Variants in MAML3 observed in about 807,000 individuals in gnomAD.
The protein encoded by MAML3 is mastermind-like protein 3.
MAML3 carries 27 observed loss-of-function variants against 101.9 expected under a neutral mutation model. That is an observed-to-expected ratio of 0.27 (90% confidence interval 0.20 to 0.37). The LOEUF is 0.37. MAML3 is among the 10% of genes least tolerant of loss of function. The probability of loss-of-function intolerance (pLI) is 1.00; values close to 1 mark genes in which losing one functional copy is unlikely to be tolerated. For synonymous variants in MAML3, 501 were observed against 555.9 expected (o/e 0.90, Z 1.39); for missense variants, 1,316 against 1,444.9 (o/e 0.91, Z 1.45).
chr4:140,139,434 A>T (rs1728947725), intron 1 of MAML3, among the ~76,000 whole-genome samples: 1 of 151,988 alleles, frequency 6.6e-6, no homozygotes, highest in Admixed American at 6.6e-5. Context: ...GCTCATGCCT[A>T]TCAACCCAGC....
intron 1 of MAML3, among the ~76,000 whole-genome samples, chr4:140,152,178 G>C (rs886435064): frequency 6.6e-5 from 10 of 152,088 alleles, no homozygotes; most frequent in African/African-American, 2.4e-4. Context: ...GAGCGCACCC[G>C]CGCCCCGCAT....
chr4:139,727,783 C>T (rs1445801780), intron 3 of MAML3, among the ~76,000 whole-genome samples: 1 of 152,134 alleles, frequency 6.6e-6, no homozygotes, highest in Admixed American at 6.5e-5. Context: ...TATGTAAGAT[C>T]CCAAATCCTT....
rs574407103 is a variant in MAML3, at chr4:139,995,264, C to A, written c.469-104297G>T. On this transcript the variant is annotated intron_variant, in intron 1 of 4. Coordinates refer to ENST00000509479, the MANE Select transcript of MAML3 (RefSeq NM_018717.5). ...GGATAAATCCCACCTGATCATGGTGCATTATCTTTTTTATATTTCAGGATT... is the reference window on the plus strand; with the variant it reads ...GGATAAATCCCACCTGATCATGGTGAATTATCTTTTTTATATTTCAGGATT... Among the ~76,000 whole-genome samples the A allele has an allele frequency of 3.3e-5, 5 of 152,222 alleles. No individual in the cohort carries two copies. In the South Asian group the frequency reaches 1.0e-3, roughly 32 times the overall value.
intron 1 of MAML3, among the ~76,000 whole-genome samples, chr4:139,986,013 T>G (rs910948104): frequency 1.3e-5 from 2 of 152,236 alleles, no homozygotes; most frequent in Non-Finnish European, 2.9e-5. Context: ...ACTAGGAGCA[T>G]CCTCTTTTGC....
chr4:140,085,643 A>T (rs1163064612), intron 1 of MAML3, among the ~76,000 whole-genome samples: 1 of 152,222 alleles, frequency 6.6e-6, no homozygotes, highest in African/African-American at 2.4e-5. Flanking sequence ...GGGCAAACAC[A>T]TGGGCATGAA....
At chr4:139,920,357 G>A (rs984438374) in intron 1 of MAML3, among the ~76,000 whole-genome samples, 1 of 152,166 alleles carries the variant, frequency 6.6e-6, no homozygotes, top group Non-Finnish European at 1.5e-5. Flanking sequence ...TGCTTACTGA[G>A]CCCAGGACTG....
intron 1 of MAML3, among the ~76,000 whole-genome samples, chr4:139,924,636 A>G (rs1733186617): frequency 6.6e-6 from 1 of 152,204 alleles, no homozygotes; most frequent in South Asian, 2.1e-4. Context: ...GTGTACTTTC[A>G]TCATCTGGCA....
At chr4:140,076,624 C>T (rs921656789) in intron 1 of MAML3, among the ~76,000 whole-genome samples, 19 of 152,178 alleles carry the variant, frequency 1.2e-4, no homozygotes, top group Non-Finnish European at 2.1e-4. Flanking sequence ...CCAGAAAGTG[C>T]CTTTTCTTAG....
At chr4:140,140,403 A>G (rs1029512480) in intron 1 of MAML3, among the ~76,000 whole-genome samples, 1 of 152,238 alleles carries the variant, frequency 6.6e-6, no homozygotes, top group Non-Finnish European at 1.5e-5. Flanking sequence ...GTGCAAGATT[A>G]AGAGAGAAGT....
intron 2 of MAML3, among the ~76,000 whole-genome samples, chr4:139,850,204 T>C (rs1373335672): frequency 6.6e-6 from 1 of 152,368 alleles, no homozygotes; most frequent in African/African-American, 2.4e-5. Context: ...AGTTTCTATA[T>C]CATTTTGTGT....
In MAML3 at chr4:139,932,365, T is replaced by C. The variant is rs115999150; in HGVS notation, c.469-41398A>G. ...ATACTTTCAAAGAAACTAAGTTTCA[T>C]TGATCTCAAGATTATGCAGTACCTC... is the stretch of plus-strand genomic sequence containing the variant. On this transcript the variant is annotated intron_variant, in intron 1 of 4. Coordinates refer to ENST00000509479, the MANE Select transcript of MAML3 (RefSeq NM_018717.5). 3.1e-4 allele frequency among the ~76,000 whole-genome samples: 47 copies of C among 152,306 alleles called. 1 individual carries two copies. The highest frequency in any genetic ancestry group is 6.0e-4 in the Non-Finnish European group (41 of 68,010).
intron 1 of MAML3, among the ~76,000 whole-genome samples, chr4:140,106,485 G>A (rs1210266152): frequency 2.0e-5 from 3 of 152,124 alleles, no homozygotes; most frequent in Admixed American, 6.5e-5. Flanking sequence ...GCACACCCAC[G>A]GAGAAGTGAC....
intron 1 of MAML3, among the ~76,000 whole-genome samples, chr4:139,942,157 G>A (rs1200220633): frequency 1.4e-5 from 2 of 145,880 alleles, no homozygotes; most frequent in African/African-American, 2.6e-5. Flanking sequence ...AAGGAAGGAC[G>A]GAGGGAGGGA....
At chr4:140,020,009 C>T (rs528009755) in intron 1 of MAML3, among the ~76,000 whole-genome samples, 1 of 152,308 alleles carries the variant, frequency 6.6e-6, no homozygotes, top group South Asian at 2.1e-4. Flanking sequence ...GTCTTCCCTT[C>T]AACAAAGGCT....
chr4:140,007,621 G>A (rs1277389120), intron 1 of MAML3, among the ~76,000 whole-genome samples: 3 of 152,224 alleles, frequency 2.0e-5, no homozygotes, highest in African/African-American at 7.2e-5. Context: ...AAAGGGAGGT[G>A]GTCGGGGTAA....
At chr4:139,746,431 T>G (rs780048673) in intron 2 of MAML3, among the ~76,000 whole-genome samples, 1 of 147,512 alleles carries the variant, frequency 6.8e-6, no homozygotes, top group Non-Finnish European at 1.5e-5. Context: ...AAATGAAAAA[T>G]CTTCCCTTTA....
At chr4:139,991,089 T>G (rs1444238818) in intron 1 of MAML3, among the ~76,000 whole-genome samples, 2 of 152,082 alleles carry the variant, frequency 1.3e-5, no homozygotes, top group Non-Finnish European at 2.9e-5. Flanking sequence ...AGCCCGCATC[T>G]CCAAGTCAAT....
intron 1 of MAML3, among the ~76,000 whole-genome samples, chr4:140,016,610 A>G (rs1427337517): frequency 6.6e-6 from 1 of 152,222 alleles, no homozygotes; most frequent in Non-Finnish European, 1.5e-5. Context: ...AACAGAATAG[A>G]GAACCCAGAG....
rs762952673 is a variant in MAML3 at position 140,150,853 on chromosome 4, TAC to T, written c.468+2005_468+2006del. On this transcript the variant is annotated intron_variant, in intron 1 of 4. Transcript: ENST00000509479. ...CGCCTCCGGCTACAATCAGAAAAAC[TAC>T]AGTGTGTCAGTGGTTTTCGGTTTCC... 1.2e-3 allele frequency among the ~76,000 whole-genome samples: 187 copies of T among 152,272 alleles called. 1 individual carries two copies. The highest frequency in any genetic ancestry group is 2.1e-3 in the Non-Finnish European group (143 of 68,024).
Sources: allele counts gnomAD v4.1 joint callset (sites outside exome capture counted in the v4.1 genomes callset), GRCh38; gene constraint gnomAD v4.1.1; transcripts MANE v1.5; gene names NCBI Gene and HGNC (gene_info 2026-07-23, HGNC 2026-07-21).